Variants in TEX11 observed in about 807,000 individuals in gnomAD.
TEX11 encodes testis-expressed protein 11.
Under a neutral mutation model 84.4 loss-of-function variants are expected in TEX11, and 7 were observed. That is an observed-to-expected ratio of 0.08 (90% CI 0.05 to 0.16). The LOEUF (loss-of-function observed/expected upper bound fraction) is 0.16, where lower values mean the gene tolerates loss of function less well. TEX11 is among the 10% of genes least tolerant of loss of function. The pLI is 1.00. For synonymous variants in TEX11, 264 were observed against 222.8 expected, an observed-to-expected ratio of 1.18 and a Z score of -1.64; for missense variants, 551 against 660.5, an observed-to-expected ratio of 0.83 and a Z score of 1.82.
At chrX:70,664,055 A>G (rs756179978) in intron 16 of TEX11, among the ~76,000 whole-genome samples, 43 of 112,005 alleles carry the variant, frequency 3.8e-4, no homozygotes, top group Non-Finnish European at 7.2e-4. Flanking sequence ...TCTATGTTGT[A>G]TTGCTATTTT....
At chrX:70,763,160 C>A (rs2090919817) in intron 9 of TEX11, among the ~76,000 whole-genome samples, 1 of 112,488 alleles carries the variant, frequency 8.9e-6, no homozygotes, top group Non-Finnish European at 1.9e-5. Flanking sequence ...ATTTTTATAG[C>A]AGCACAATTC....
chrX:70,871,989 TA>T (rs747656753), intron 4 of TEX11, among the ~76,000 whole-genome samples: 257 of 92,390 alleles, frequency 2.8e-3, no homozygotes, highest in African/African-American at 5.2e-3. Flanking sequence ...TGCCGTCCCT[TA>T]AAAAAAAAAA....
At chrX:70,608,309 T>C (rs184415209) in intron 22 of TEX11, among the ~76,000 whole-genome samples, 31 of 112,328 alleles carry the variant, frequency 2.8e-4, no homozygotes, top group Admixed American at 1.4e-3. Context: ...GTTTTGCCCA[T>C]TTAAAAAATT....
At chrX:70,859,456 C>T (rs1055800353) in intron 5 of TEX11, among the ~76,000 whole-genome samples, 10 of 104,378 alleles carry the variant, frequency 9.6e-5, no homozygotes, top group African/African-American at 3.5e-4. Flanking sequence ...GTGGCAAACA[C>T]CTGTAATCCC....
chrX:70,753,109 G>A (rs1238282572), intron 9 of TEX11, among the ~76,000 whole-genome samples: 1 of 104,628 alleles, frequency 9.6e-6, no homozygotes, highest in Non-Finnish European at 1.9e-5. Context: ...GTCGGTAAAT[G>A]AACTTTAAAG....
intron 7 of TEX11, among the ~76,000 whole-genome samples, chrX:70,848,544 A>G (rs1375332084): frequency 5.4e-5 from 6 of 111,378 alleles, no homozygotes; most frequent in Non-Finnish European, 5.6e-5. Context: ...CACATTTTAC[A>G]TACTACTGAT....
At chrX:70,870,260 A>G (rs1020662154) in intron 4 of TEX11, among the ~76,000 whole-genome samples, 1 of 112,053 alleles carries the variant, frequency 8.9e-6, no homozygotes, top group African/African-American at 3.2e-5. Context: ...CCTTTCATTT[A>G]CTATGTACCA....
At chrX:70,666,001 TG>T (rs2089972645) in intron 16 of TEX11, among the ~76,000 whole-genome samples, 2 of 111,866 alleles carry the variant, frequency 1.8e-5, no homozygotes, top group African/African-American at 6.5e-5. Context: ...AGGTATTTAT[TG>T]AGTCTTTATA....
the TEX11 span, among the ~76,000 whole-genome samples, chrX:70,520,266 T>C: frequency 8.9e-6 from 1 of 112,169 alleles, no homozygotes; most frequent in Non-Finnish European, 1.9e-5. Flanking sequence ...CATCTACCTT[T>C]GGTCTTTGAT....
chrX:70,650,668 CAG>C (rs2089800195), intron 17 of TEX11, among the ~76,000 whole-genome samples: 1 of 111,481 alleles, frequency 9.0e-6, no homozygotes, highest in African/African-American at 3.3e-5. Flanking sequence ...GAGTGAATAA[CAG>C]AGTCCTTTGT....
intron 20 of TEX11, among the ~76,000 whole-genome samples, chrX:70,617,675 G>T (rs1682923883): frequency 9.0e-6 from 1 of 110,699 alleles, no homozygotes; most frequent in African/African-American, 3.3e-5. Context: ...AGACTTGGAA[G>T]GATGGGAAGG....
At chrX:70,807,871 A>G (rs1458304786) in intron 8 of TEX11, among the ~76,000 whole-genome samples, 3 of 110,244 alleles carry the variant, frequency 2.7e-5, no homozygotes, top group Non-Finnish European at 5.7e-5. Flanking sequence ...TGAGAGACCA[A>G]GACAGGTGGA....
chrX:70,679,173 G>A (rs1420978530), intron 14 of TEX11, among the ~76,000 whole-genome samples: 3 of 112,960 alleles, frequency 2.7e-5, no homozygotes, highest in Admixed American at 1.9e-4. Flanking sequence ...GCTCCTAACC[G>A]CGAGTGATCC....
chrX:70,606,945 T>C lies in TEX11; in HGVS notation c.1950+14A>G. 8.8e-7 allele frequency: 1 copy of C among 1,142,730 alleles called. No homozygotes were observed. Among genetic ancestry groups the C allele is most frequent in the East Asian group, 3.0e-5 (1 of 33,350 alleles). The allele number at this position is 1,142,730 out of a possible 1,213,427, so 94.2% of individuals were successfully genotyped here. A position where few individuals can be genotyped will look rare whatever the true frequency, so the allele number is the denominator to read the frequency against. The stretch of plus-strand genomic sequence containing the variant: ...TGTGGTCCATACATGAGATACTTAT[T>C]AAAAGAAACTTACCTTATAAGAAAG... On this transcript the variant is annotated intron_variant, in intron 23 of 29. Transcript: ENST00000374333.
chrX:70,758,265 C>T (rs765419543), intron 9 of TEX11, among the ~76,000 whole-genome samples: 1 of 111,723 alleles, frequency 9.0e-6, no homozygotes, highest in Non-Finnish European at 1.9e-5. Context: ...AGCTCTGGAC[C>T]AAACAGGCCT....
chrX:70,658,430 A>G (rs1483869777), intron 16 of TEX11, among the ~76,000 whole-genome samples: 1 of 111,564 alleles, frequency 9.0e-6, no homozygotes, highest in Non-Finnish European at 1.9e-5. Context: ...AAAACAAACA[A>G]ACAAACAAAA....
chrX:70,562,440 C>T (rs751032781), intron 25 of TEX11, among the ~76,000 whole-genome samples: 5 of 112,081 alleles, frequency 4.5e-5, no homozygotes, highest in Non-Finnish European at 9.4e-5. Context: ...TTCATTATTG[C>T]TAATCCATAT....
chrX:70,707,733 T>C (rs1603229723), intron 13 of TEX11, among the ~76,000 whole-genome samples: 1 of 111,450 alleles, frequency 9.0e-6, no homozygotes, highest in East Asian at 2.8e-4. Context: ...CTAGACAACA[T>C]GTTGCACTAG....
At chrX:70,880,202 C>A in intron 2 of TEX11, 93 bp from the exon 3 acceptor site, 1 of 604,233 alleles carries the variant, frequency 1.7e-6, no homozygotes, top group Admixed American at 3.8e-5. Context: ...AATCATTGGC[C>A]AAATGAATAC....
Sources: allele counts gnomAD v4.1 joint callset (sites outside exome capture counted in the v4.1 genomes callset), GRCh38; gene constraint gnomAD v4.1.1; transcripts MANE v1.5; gene names NCBI Gene and HGNC (gene_info 2026-07-23, HGNC 2026-07-21).